Variants in PACRG observed in about 807,000 individuals in gnomAD.
The protein encoded by PACRG is parkin coregulated gene protein.
Under a neutral mutation model 29.7 loss-of-function variants are expected in PACRG, and 29 were observed. The ratio of observed to expected loss-of-function variants is 0.98; its 90% CI spans 0.73 to 1.33. The LOEUF (loss-of-function observed/expected upper bound fraction) is 1.33. PACRG is among the 40% of genes most tolerant of loss of function. The pLI is 0.00. For synonymous variants in PACRG, 116 were observed against 118.7 expected (o/e 0.98, Z 0.15); for missense variants, 279 against 316.2 (o/e 0.88, Z 0.89).
At chr6:163,227,443 G>C (rs951061564) in intron 4 of PACRG, among the ~76,000 whole-genome samples, 1 of 152,184 alleles carries the variant, frequency 6.6e-6, no homozygotes, top group African/African-American at 2.4e-5. Flanking sequence ...CACAACATTT[G>C]AGCGCGATCA....
chr6:163,047,047 G>A (rs201615492), intron 2 of PACRG, among the ~76,000 whole-genome samples: 2 of 152,232 alleles, frequency 1.3e-5, no homozygotes, highest in East Asian at 1.9e-4. Flanking sequence ...TTATTTGGTC[G>A]AGTGTATTAA....
At chr6:162,765,369 C>G (rs1209908737) in intron 1 of PACRG, among the ~76,000 whole-genome samples, 1 of 152,058 alleles carries the variant, frequency 6.6e-6, no homozygotes, top group African/African-American at 2.4e-5. Flanking sequence ...GTACTATTTT[C>G]CAGTGCAACT....
chr6:162,802,281 G>C (rs1053335968), intron 1 of PACRG, among the ~76,000 whole-genome samples: 2 of 152,012 alleles, frequency 1.3e-5, no homozygotes, highest in African/African-American at 4.8e-5. Flanking sequence ...AAATGATATA[G>C]GTAAAAGTCT....
intron 4 of PACRG, among the ~76,000 whole-genome samples, chr6:163,139,567 C>G (rs889176050): frequency 1.1e-4 from 16 of 152,058 alleles, no homozygotes; most frequent in African/African-American, 3.6e-4. Context: ...AAAGCACTTA[C>G]TGCAATGCTT....
chr6:162,931,531 G>T (rs1016480690), intron 2 of PACRG, among the ~76,000 whole-genome samples: 1 of 151,876 alleles, frequency 6.6e-6, no homozygotes, highest in Non-Finnish European at 1.5e-5. Flanking sequence ...TTTTGCAGTT[G>T]ATATGATATG....
At chr6:162,994,791 C>T (rs564935497) in intron 2 of PACRG, among the ~76,000 whole-genome samples, 26 of 151,190 alleles carry the variant, frequency 1.7e-4, no homozygotes, top group South Asian at 1.5e-3. Flanking sequence ...TAAGGAACTG[C>T]GTTCCTTTGG....
intron 2 of PACRG, among the ~76,000 whole-genome samples, chr6:162,999,403 T>C (rs1804381891): frequency 6.6e-6 from 1 of 152,226 alleles, no homozygotes; most frequent in South Asian, 2.1e-4. Context: ...AGTTGTTTAC[T>C]GGCCTGTGAG....
chr6:162,899,145 T>G (rs1185193644), intron 2 of PACRG, among the ~76,000 whole-genome samples: 1 of 152,190 alleles, frequency 6.6e-6, no homozygotes, highest in Non-Finnish European at 1.5e-5. Context: ...CTTCTTTTTG[T>G]GTGCTGAGGG....
chr6:162,780,894 G>A (rs932025364), intron 1 of PACRG, among the ~76,000 whole-genome samples: 2 of 152,024 alleles, frequency 1.3e-5, no homozygotes, highest in Admixed American at 6.5e-5. Flanking sequence ...CATTTTTTCA[G>A]CAGTGAGACA....
chr6:163,236,757 C>G (rs1248182016), intron 4 of PACRG, among the ~76,000 whole-genome samples: 1 of 152,152 alleles, frequency 6.6e-6, no homozygotes, highest in Non-Finnish European at 1.5e-5. Context: ...CTATAAAGAA[C>G]TACCTGAGAC....
intron 4 of PACRG, among the ~76,000 whole-genome samples, chr6:163,207,990 G>A (rs569623791): frequency 4.1e-4 from 62 of 152,344 alleles, no homozygotes; most frequent in African/African-American, 1.1e-3. Flanking sequence ...GCTGCCAGGC[G>A]TTGGGGAGCA....
chr6:162,781,792 A>C (rs1784112970), intron 1 of PACRG, among the ~76,000 whole-genome samples: 1 of 151,854 alleles, frequency 6.6e-6, no homozygotes, highest in South Asian at 2.1e-4. Context: ...AAAAAAGGAT[A>C]TAAAACACAA....
At chr6:163,125,188 G>A (rs1184743532) in intron 4 of PACRG, among the ~76,000 whole-genome samples, 1 of 152,200 alleles carries the variant, frequency 6.6e-6, no homozygotes, top group Non-Finnish European at 1.5e-5. Flanking sequence ...TGAGTTAATT[G>A]ATTCTCCATT....
At chr6:163,098,120 T>C (rs947866011) in intron 4 of PACRG, among the ~76,000 whole-genome samples, 6 of 152,136 alleles carry the variant, frequency 3.9e-5, no homozygotes, top group Admixed American at 3.9e-4. Context: ...TGATGAGATT[T>C]TATGGTTTGT....
At chr6:163,197,227 CCGTT>C (rs937976146) in intron 4 of PACRG, among the ~76,000 whole-genome samples, 1 of 152,006 alleles carries the variant, frequency 6.6e-6, no homozygotes, top group Non-Finnish European at 1.5e-5. Context: ...AACTGGTTCT[CCGTT>C]AGTAGTAATC....
chr6:163,291,076 C>T (rs12191773), intron 4 of PACRG, among the ~76,000 whole-genome samples: 168 of 152,362 alleles, frequency 1.1e-3, no homozygotes, highest in Non-Finnish European at 2.0e-3. Context: ...GGCTGCCCAG[C>T]GGCCTCTCCC....
chr6:162,730,539 A>C (rs1449396146), intron 1 of PACRG, among the ~76,000 whole-genome samples: 1 of 152,152 alleles, frequency 6.6e-6, no homozygotes, highest in Non-Finnish European at 1.5e-5. Flanking sequence ...TATTTCTCTG[A>C]GTGCGATAGT....
chr6:163,251,903 T>C (rs1011423604), intron 4 of PACRG, among the ~76,000 whole-genome samples: 1 of 152,210 alleles, frequency 6.6e-6, no homozygotes, highest in African/African-American at 2.4e-5. Context: ...GCTTAACCTT[T>C]CCATGGTTCT....
intron 2 of PACRG, among the ~76,000 whole-genome samples, chr6:162,821,291 CTCA>C (rs1787820865): frequency 6.6e-6 from 1 of 152,116 alleles, no homozygotes; most frequent in South Asian, 2.1e-4. Context: ...CATACGCCAT[CTCA>C]TCGAGCTTGA....
Sources: allele counts gnomAD v4.1 joint callset (sites outside exome capture counted in the v4.1 genomes callset), GRCh38; gene constraint gnomAD v4.1.1; transcripts MANE v1.5; gene names NCBI Gene and HGNC (gene_info 2026-07-23, HGNC 2026-07-21).